Variants in KIAA1958 observed in about 807,000 individuals in gnomAD.
The protein encoded by KIAA1958 is uncharacterized protein KIAA1958.
A neutral mutation model predicts 47.2 loss-of-function variants in KIAA1958; 14 were observed. The observed-to-expected ratio is 0.30, with a 90% CI of 0.20 to 0.46. The LOEUF (loss-of-function observed/expected upper bound fraction) is 0.46, where lower values mean the gene tolerates loss of function less well. Ranked by LOEUF, KIAA1958 falls within the 20% of genes least tolerant of loss-of-function variation. KIAA1958 has a pLI of 1.00. For synonymous variants in KIAA1958, 354 were observed against 353.3 expected (o/e 1.00, Z -0.02); for missense variants, 803 against 909.2 (o/e 0.88, Z 1.50).
rs1203558356 is a variant in KIAA1958, at chr9:112,618,995, T to A, written c.1172-26655T>A. 7.1e-7 allele frequency: 1 copy of A among 1,416,712 alleles called. No individual in the cohort carries two copies. The highest frequency in any genetic ancestry group is 1.4e-5 in the African/African-American group (1 of 69,432). The allele number at this position is 1,416,712 out of a possible 1,614,324, so 87.8% of individuals were successfully genotyped here. A position where few individuals can be genotyped will look rare whatever the true frequency, so the allele number is the denominator to read the frequency against. On this transcript the variant is annotated intron_variant, in intron 2 of 3. Coordinates refer to ENST00000337530, the MANE Select transcript of KIAA1958 (RefSeq NM_133465.4). The surrounding 1 kb of genome is among the most constrained non-coding windows in gnomAD (Gnocchi z 7.1). The stretch of plus-strand genomic sequence containing the variant: ...ATTATACACCGCTTCTCGTTCCCCT[T>A]CCTGTGCCCTCAGTGTTAATTCACT...
Position 112,574,363 on chromosome 9 carries a change from C to A in KIAA1958, c.283C>A (p.Gln95Lys). The A allele has an allele frequency of 6.2e-7, 1 of 1,614,220 alleles. No individual in the cohort carries two copies. ...TATAATCGGGGTGCCCTCTGAGACACAGACTAGCCCTGTTGAAAGGTACCC... is the reference window on the plus strand; with the variant it reads ...TATAATCGGGGTGCCCTCTGAGACAAAGACTAGCCCTGTTGAAAGGTACCC... ...PSIIGVPSET[Q>K]TSPVERYPGR... Residue 95 changes from glutamine (Q) to lysine (K), a missense_variant, in exon 2 of 4, where the codon CAG (glutamine) becomes AAG (lysine). Gln to Lys is a moderately conservative substitution (Grantham distance 53). Transcript: ENST00000337530.
intron 2 of KIAA1958, among the ~76,000 whole-genome samples, chr9:112,583,765 AC>A (rs1392725032): frequency 2.0e-5 from 3 of 152,210 alleles, no homozygotes; most frequent in Non-Finnish European, 2.9e-5. Flanking sequence ...TTACACAGAC[AC>A]ACACACTTAA....
At chr9:112,589,599 G>A (rs1049907556) in intron 2 of KIAA1958, among the ~76,000 whole-genome samples, 3 of 152,218 alleles carry the variant, frequency 2.0e-5, no homozygotes, top group African/African-American at 7.2e-5. Context: ...AGAGAATGCA[G>A]GACAGAAATC....
chr9:112,656,575 GTTTATA>G (rs1452045204), intron 3 of KIAA1958, among the ~76,000 whole-genome samples: 9 of 152,116 alleles, frequency 5.9e-5, no homozygotes, highest in East Asian at 3.9e-4. Context: ...ACTTCGGGGA[GTTTATA>G]TTTATATACT....
chr9:112,582,640 C>G (rs2131182194), intron 2 of KIAA1958: 1 of 153,194 alleles, frequency 6.5e-6, no homozygotes, highest in East Asian at 1.9e-4. Context: ...GCCCTCTAAT[C>G]CTTTAGAGGA....
intron 1 of KIAA1958, among the ~76,000 whole-genome samples, chr9:112,533,191 T>TAA (rs1226206975): frequency 6.6e-6 from 1 of 152,050 alleles, no homozygotes; most frequent in Non-Finnish European, 1.5e-5. Context: ...CTTATATATA[T>TAA]AAAGTCTCTA....
intron 2 of KIAA1958, among the ~76,000 whole-genome samples, chr9:112,643,389 C>T (rs934813812): frequency 1.3e-5 from 2 of 152,172 alleles, no homozygotes; most frequent in South Asian, 2.1e-4. Flanking sequence ...ACAGGAATAA[C>T]AAAGGGATTG....
intron 3 of KIAA1958, among the ~76,000 whole-genome samples, chr9:112,647,467 C>T (rs1172820719): frequency 6.6e-6 from 1 of 151,064 alleles, no homozygotes; most frequent in Non-Finnish European, 1.5e-5. Context: ...AAACAAAAAA[C>T]AAACAAACAA....
chr9:112,643,958 A>G (rs559627057), intron 2 of KIAA1958, among the ~76,000 whole-genome samples: 1 of 152,170 alleles, frequency 6.6e-6, no homozygotes, highest in Non-Finnish European at 1.5e-5. Flanking sequence ...TGGGCAGATC[A>G]CCTGGGGTCA....
intron 1 of KIAA1958, among the ~76,000 whole-genome samples, chr9:112,558,084 G>T (rs969867584): frequency 1.3e-5 from 2 of 152,138 alleles, no homozygotes; most frequent in Non-Finnish European, 2.9e-5. Context: ...AATTAGCCGG[G>T]CATCGTGGTG....
rs10655286 is a variant in KIAA1958, at chr9:112,563,085, C to CTCTCTA, written c.-24-10971_-24-10970insCTCTAT. 2.3e-3 allele frequency among the ~76,000 whole-genome samples: 308 copies of CTCTCTA among 131,534 alleles called. 4 individuals are homozygous for CTCTCTA. The highest frequency in any genetic ancestry group is 6.9e-3 in the African/African-American group (238 of 34,262). 86.3% of individuals were successfully genotyped at this position (131,534 alleles called of 152,430 possible). The stretch of plus-strand genomic sequence containing the variant: ...TCTCTGTCTCTCTCTCTCTCTCTCT[C>CTCTCTA]TATATATATATATAAATTTTTTTTA... On this transcript the variant is annotated intron_variant, in intron 1 of 3. Transcript: ENST00000337530.
At chr9:112,619,308 T>G (rs1588042626) in intron 2 of KIAA1958, 1 of 151,896 alleles carries the variant, frequency 6.6e-6, no homozygotes, top group South Asian at 2.1e-4. Context: ...CCAACTCCCC[T>G]TTTTTGTCTC....
rs1205617204 is a variant in KIAA1958 at position 112,575,298 on chromosome 9, A to G, written c.1171+47A>G. 4.5e-6 allele frequency: 6 copies of G among 1,327,650 alleles called. No individual in the cohort carries two copies. In the South Asian group the frequency reaches 7.3e-5, roughly 16 times the overall value. 82.2% of individuals were successfully genotyped at this position (1,327,650 alleles called of 1,614,324 possible). A position where few individuals can be genotyped will look rare whatever the true frequency, so the allele number is the denominator to read the frequency against. ...TGAGTCCCTCATCCACGCACGCCAG[A>G]ATTCTGCGCCGTCAGCACTTCTAAA... On this transcript the variant is annotated intron_variant, in intron 2 of 3. Coordinates refer to ENST00000337530, the MANE Select transcript of KIAA1958 (RefSeq NM_133465.4).
intron 1 of KIAA1958, among the ~76,000 whole-genome samples, chr9:112,525,989 T>TCTCCTTCTTCTCCTTCTTCTC (rs1834640220): frequency 2.5e-4 from 1 of 4,068 alleles, no homozygotes; most frequent in African/African-American, 1.9e-3. Context: ...TTCTTCTTCT[T>TCTCCTTCTTCTCCTTCTTCTC]CTTCTTCTTC....
intron 2 of KIAA1958, among the ~76,000 whole-genome samples, chr9:112,635,214 TTGTGTGTG>T (rs71999105): frequency 0.054 from 7,016 of 130,320 alleles, 214 homozygotes; most frequent in East Asian, 0.15. Flanking sequence ...ATTCTTTATT[TTGTGTGTG>T]TGTGTGTGTG....
intron 1 of KIAA1958, among the ~76,000 whole-genome samples, chr9:112,523,023 C>A (rs531086041): frequency 2.0e-5 from 3 of 152,242 alleles, no homozygotes; most frequent in Non-Finnish European, 2.9e-5. Context: ...CAGGGCTATG[C>A]GATGACAACT....
At chr9:112,546,172 A>G (rs1474009560) in intron 1 of KIAA1958, among the ~76,000 whole-genome samples, 2 of 152,094 alleles carry the variant, frequency 1.3e-5, no homozygotes, top group East Asian at 3.9e-4. Flanking sequence ...CAAAACCAAG[A>G]TGCCAATGAA....
intron 1 of KIAA1958, among the ~76,000 whole-genome samples, chr9:112,533,031 A>T (rs1438172442): frequency 6.6e-6 from 1 of 152,158 alleles, no homozygotes; most frequent in Admixed American, 6.5e-5. Flanking sequence ...AGCAAAAATG[A>T]AAGCTCTTCA....
intron 2 of KIAA1958, among the ~76,000 whole-genome samples, chr9:112,600,045 A>C (rs1836102495): frequency 6.6e-6 from 1 of 152,198 alleles, no homozygotes; most frequent in Non-Finnish European, 1.5e-5. Flanking sequence ...TCTAAAGTTG[A>C]TTTAAGAATA....
Sources: gnomAD v4.1 joint callset for allele counts (sites outside exome capture counted in the v4.1 genomes callset) on GRCh38, gnomAD v4.1.1 for gene constraint, Gnocchi (gnomAD v3.1) non-coding constraint, MANE v1.5 for transcripts, NCBI Gene and HGNC (gene_info 2026-07-23, HGNC 2026-07-21) for gene names.